The following NFRKB variants were observed in gnomAD, a reference collection of about 807,000 sequenced individuals.
The protein encoded by NFRKB is nuclear factor related to kappa-B-binding protein.
A neutral mutation model predicts 135.7 loss-of-function variants in NFRKB; 62 were observed. The ratio of observed to expected loss-of-function variants is 0.46; its 90% CI spans 0.37 to 0.56. The LOEUF (loss-of-function observed/expected upper bound fraction) is 0.56. Ranked by LOEUF, NFRKB falls within the 20% of genes least tolerant of loss-of-function variation. The probability of loss-of-function intolerance (pLI) is 0.00; values close to 1 mark genes in which losing one functional copy is unlikely to be tolerated. For synonymous variants in NFRKB, 678 were observed against 635.6 expected, an observed-to-expected ratio of 1.07 and a Z score of -1.00; for missense variants, 1,545 against 1,662.0, an observed-to-expected ratio of 0.93 and a Z score of 1.22.
chr11:129,879,518 T>C (rs1040723859), intron 13 of NFRKB, among the ~76,000 whole-genome samples: 9 of 152,170 alleles, frequency 5.9e-5, no homozygotes, highest in Admixed American at 2.6e-4. Context: ...ACTTCCTCCA[T>C]GTTTGCAAAT....
chr11:129,886,271 A>G, intron 5 of NFRKB, 46 bp downstream of exon 5: 1 of 1,584,416 alleles, frequency 6.3e-7, no homozygotes, highest in Non-Finnish European at 8.6e-7. Flanking sequence ...AAGTCATGAT[A>G]CCTGTGACTG....
chr11:129,888,757 C>A lies in NFRKB; in HGVS notation c.174G>T (p.Trp58Cys), dbSNP rs1949400016. Residue 58 changes from tryptophan to cysteine, a missense_variant, in exon 4 of 27, where the codon TGG becomes TGT. Physicochemically the swap from Trp to Cys is radical, Grantham distance 215. Transcript: ENST00000682444. ...IFFDVVSLST[W>C]QEVLSDSQRE... ...GTTGAGAATCACTTAACACTTCCTG[C>A]CATGTTGAGAGGCTGACAACATCAA... The A allele has an allele frequency of 1.2e-6, 2 of 1,613,944 alleles. No homozygotes were observed. Among genetic ancestry groups the A allele is most frequent in the African/African-American group, 2.7e-5 (2 of 74,882 alleles).
intron 16 of NFRKB, 103 bp from the exon 17 acceptor site, chr11:129,876,998 G>A (rs1203803743): frequency 2.7e-6 from 3 of 1,127,642 alleles, no homozygotes; most frequent in African/African-American, 1.6e-5. Context: ...ATTAAAACAG[G>A]AAGGAACAAG....
chr11:129,864,722 T>C lies in NFRKB; in HGVS notation c.*3A>G. The C allele has an allele frequency of 6.2e-7, 1 of 1,614,158 alleles. No individual in the cohort carries two copies. The highest frequency in any genetic ancestry group is 8.5e-7 in the Non-Finnish European group (1 of 1,180,042). ...CTTTCACGGAAGCCATCCTCTCTCA[T>C]AATCATTGTTGCTCAGGTGCCTGTT... On this transcript the variant is annotated 3_prime_UTR_variant, in exon 27 of 27. Transcript: ENST00000682444.
intron 23 of NFRKB, among the ~76,000 whole-genome samples, chr11:129,871,554 C>T (rs1948507213): frequency 6.6e-6 from 1 of 152,278 alleles, no homozygotes; most frequent in Non-Finnish European, 1.5e-5. Flanking sequence ...CAAGCCAAAG[C>T]CATGGATGGG....
chr11:129,886,426 T>G lies in NFRKB; in HGVS notation c.356A>C (p.Glu119Ala). 1 of 1,613,962 alleles carries G rather than the reference T, an allele frequency of 6.2e-7. No individual in the cohort carries two copies. The highest frequency in any genetic ancestry group is 8.5e-7 in the Non-Finnish European group (1 of 1,179,996). ...GCATAACTGCCGGTACTTGACCACC[T>G]CGGGGTTAAAGTGTCCGTCTTAAAA... ...KLFRDGHFNPEVVKYRQLCFK... is the reference protein window; with the variant it reads ...KLFRDGHFNPAVVKYRQLCFK... Residue 119 changes from glutamate (E) to alanine (A), a missense_variant, in exon 5 of 27, where the codon GAG becomes GCG. By Grantham distance (107) the Glu-to-Ala change is moderately radical (BLOSUM62 -1). Coordinates refer to ENST00000682444, the MANE Select transcript of NFRKB (RefSeq NM_001143835.2).
At chr11:129,877,266 G>A in intron 16 of NFRKB, 59 bp downstream of exon 16, 1 of 1,511,330 alleles carries the variant, frequency 6.6e-7, no homozygotes. Flanking sequence ...GTCAGGCTCA[G>A]AGCATCTCTC....
chr11:129,891,541 C>T (rs80342757), intron 3 of NFRKB, among the ~76,000 whole-genome samples: 1,733 of 152,134 alleles, frequency 0.011, 32 homozygotes, highest in African/African-American at 0.04. Context: ...CTGGGGTGAA[C>T]GACCCCCAGG....
chr11:129,880,055 C>T (rs1021493027), intron 13 of NFRKB, among the ~76,000 whole-genome samples: 6 of 152,068 alleles, frequency 3.9e-5, no homozygotes, highest in Non-Finnish European at 4.4e-5. Flanking sequence ...GGCATGGTTG[C>T]GTACGCCTGT....
At chr11:129,894,900 G>A (rs917738378) in intron 1 of NFRKB, among the ~76,000 whole-genome samples, 3 of 152,228 alleles carry the variant, frequency 2.0e-5, no homozygotes, top group Non-Finnish European at 4.4e-5. Flanking sequence ...CCTCTTAGGA[G>A]GTCTCTATAC....
At position 129,875,515 on chromosome 11, in the gene NFRKB, A is replaced by G. The variant is rs1405906048; in HGVS notation, c.1748-52T>C. The G allele has an allele frequency of 4.2e-6, 6 of 1,429,496 alleles. No homozygotes were observed. The South Asian group carries it at 7.3e-5, about 18-fold the overall frequency. 88.6% of individuals were successfully genotyped at this position (1,429,496 alleles called of 1,614,324 possible). On this transcript the variant is annotated intron_variant, in intron 17 of 26. Transcript: ENST00000682444. ...CACAAGTCAGGCAGGGTTCCTACGGAGGTACAATCTCCTGTACCTGCAGTG... is the reference window on the plus strand; with the variant it reads ...CACAAGTCAGGCAGGGTTCCTACGGGGGTACAATCTCCTGTACCTGCAGTG...
Position 129,873,102 on chromosome 11 carries a change from T to C in NFRKB, c.2551-6A>G. 6.3e-7 allele frequency: 1 copy of C among 1,587,086 alleles called. No individual in the cohort carries two copies. Among genetic ancestry groups the C allele is most frequent in the Non-Finnish European group, 8.6e-7 (1 of 1,164,062 alleles). On this transcript the variant is annotated splice_region_variant and splice_polypyrimidine_tract_variant and intron_variant, in intron 22 of 26. Transcript: ENST00000682444. ...GGCACAGTGGCCATTACTGTCTAGT[T>C]GAGGGCATGAGGCCAAGAGCTTAAT... is the stretch of plus-strand genomic sequence containing the variant.
rs1312849882 is a variant in NFRKB, at chr11:129,875,521, A to G, written c.1748-58T>C. 5 of 1,375,068 alleles carry G rather than the reference A, an allele frequency of 3.6e-6. No homozygotes were observed. The Admixed American group carries it at 9.9e-5, about 27-fold the overall frequency. The allele number at this position is 1,375,068 out of a possible 1,614,324, so 85.2% of individuals were successfully genotyped here. A position where few individuals can be genotyped will look rare whatever the true frequency, so the allele number is the denominator to read the frequency against. ...TCAGGCAGGGTTCCTACGGAGGTAC[A>G]ATCTCCTGTACCTGCAGTGATGGGC... On this transcript the variant is annotated intron_variant, in intron 17 of 26. Transcript: ENST00000682444.
intron 23 of NFRKB, among the ~76,000 whole-genome samples, chr11:129,871,691 G>A (rs575637716): frequency 5.3e-5 from 8 of 152,234 alleles, no homozygotes; most frequent in East Asian, 3.9e-4. Context: ...TCCCATCTGC[G>A]GCAGCCTTGC....
At position 129,869,548 on chromosome 11, in the gene NFRKB, G is replaced by A. The variant is rs974788493; in HGVS notation, c.3477C>T (p.Ala1159=). Residue 1159 remains alanine, a synonymous_variant, in exon 24 of 27, where the codon GCC becomes GCT. Coordinates refer to ENST00000682444, the MANE Select transcript of NFRKB (RefSeq NM_001143835.2). ...ASTPISISTG[A]PTVRQVPVST... ...TGACAGGGACCTGCCGCACGGTGGG[G>A]GCTCCTGTGCTGATGCTGATGGGGG... 2 of 1,613,914 alleles carry A rather than the reference G, an allele frequency of 1.2e-6. No individual in the cohort carries two copies. The highest frequency in any genetic ancestry group is 3.3e-5 in the Admixed American group (2 of 60,024).
At chr11:129,895,089 T>G (rs561609199) in intron 1 of NFRKB, among the ~76,000 whole-genome samples, 2 of 152,322 alleles carry the variant, frequency 1.3e-5, no homozygotes, top group South Asian at 4.1e-4. Flanking sequence ...GTTCTGAACC[T>G]CTTCACTAGA....
chr11:129,881,638 G>C, intron 12 of NFRKB, 89 bp downstream of exon 12: 1 of 1,584,816 alleles, frequency 6.3e-7, no homozygotes, highest in Non-Finnish European at 8.6e-7. Context: ...AAGGCATGAT[G>C]GATTACACGA....
intron 2 of NFRKB, 86 bp from the exon 3 acceptor site, chr11:129,892,956 A>C (rs1591541294): frequency 6.3e-7 from 1 of 1,594,550 alleles, no homozygotes; most frequent in Non-Finnish European, 8.5e-7. Context: ...AAAACATTCA[A>C]CCTCCAGCCA....
chr11:129,885,628 G>T lies in NFRKB; in HGVS notation c.466-19C>A. 6.3e-7 allele frequency: 1 copy of T among 1,589,724 alleles called. No homozygotes were observed. ...GCAGATCCTAGGTAGAGATCAGGTGGGGGTACAAGTCATCATCCAAGACCT... is the reference window on the plus strand; with the variant it reads ...GCAGATCCTAGGTAGAGATCAGGTGTGGGTACAAGTCATCATCCAAGACCT... On this transcript the variant is annotated intron_variant, in intron 5 of 26. Transcript: ENST00000682444.
Sources: gnomAD v4.1 joint callset for allele counts (sites outside exome capture counted in the v4.1 genomes callset) on GRCh38, gnomAD v4.1.1 for gene constraint, MANE v1.5 for transcripts, NCBI Gene and HGNC (gene_info 2026-07-23, HGNC 2026-07-21) for gene names.